PRKN: variants seen among roughly 807,000 people sequenced by gnomAD.
PRKN encodes the protein parkin RBR E3 ubiquitin protein ligase, also known as E3 ubiquitin-protein ligase parkin.
A neutral mutation model predicts 59.5 loss-of-function variants in PRKN; 56 were observed. The ratio of observed to expected loss-of-function variants is 0.94; its 90% CI spans 0.76 to 1.18. The LOEUF (loss-of-function observed/expected upper bound fraction) is 1.18. Among genes scored for constraint, PRKN ranks in the 50% most tolerant of loss-of-function variants. The probability of loss-of-function intolerance (pLI) is 0.00; values close to 1 mark genes in which losing one functional copy is unlikely to be tolerated. For missense variants in PRKN, 657 were observed against 596.4 expected (o/e 1.10, Z -1.06); for synonymous variants, 250 against 222.1 (o/e 1.13, Z -1.12).
At chr6:162,275,592 C>A (rs1053825554) in intron 2 of PRKN, among the ~76,000 whole-genome samples, 1 of 152,092 alleles carries the variant, frequency 6.6e-6, no homozygotes, top group Non-Finnish European at 1.5e-5. Context: ...TGAGACCCAC[C>A]TGGCCAACAT....
chr6:162,191,688 C>T (rs775378501), intron 4 of PRKN, among the ~76,000 whole-genome samples: 1 of 152,176 alleles, frequency 6.6e-6, no homozygotes, highest in Non-Finnish European at 1.5e-5. Context: ...AGTGATCCAC[C>T]GACCTCGGCC....
chr6:162,120,572 T>C (rs890788222), intron 4 of PRKN, among the ~76,000 whole-genome samples: 5 of 152,198 alleles, frequency 3.3e-5, no homozygotes, highest in South Asian at 2.1e-4. Context: ...AGGTGATAAA[T>C]GGATGAGGCC....
At chr6:162,327,312 T>C (rs1261408989) in intron 2 of PRKN, among the ~76,000 whole-genome samples, 2 of 152,204 alleles carry the variant, frequency 1.3e-5, no homozygotes, top group African/African-American at 4.8e-5. Flanking sequence ...GCATAAGTTC[T>C]TTTTTGCTTA....
chr6:161,504,343 G>A (rs1778070355), intron 9 of PRKN, among the ~76,000 whole-genome samples: 1 of 152,152 alleles, frequency 6.6e-6, no homozygotes, highest in Non-Finnish European at 1.5e-5. Context: ...GCCAGGCATA[G>A]CCTTTTCCCA....
intron 1 of PRKN, among the ~76,000 whole-genome samples, chr6:162,573,148 T>C (rs1050001626): frequency 6.6e-6 from 1 of 152,198 alleles, no homozygotes; most frequent in African/African-American, 2.4e-5. Flanking sequence ...TATATTTGGG[T>C]AGATTCCAAA....
chr6:162,005,566 T>C (rs1026694635), intron 5 of PRKN, among the ~76,000 whole-genome samples: 1 of 151,238 alleles, frequency 6.6e-6, no homozygotes, highest in Non-Finnish European at 1.5e-5. Flanking sequence ...AAAAAAGGAA[T>C]GAAACTCTTG....
At chr6:162,357,353 T>G (rs376898699) in intron 2 of PRKN, among the ~76,000 whole-genome samples, 4 of 152,174 alleles carry the variant, frequency 2.6e-5, no homozygotes, top group African/African-American at 7.2e-5. Flanking sequence ...AATAAAGAAA[T>G]AAATAAATAC....
intron 4 of PRKN, among the ~76,000 whole-genome samples, chr6:162,165,427 T>C (rs1023241596): frequency 3.3e-5 from 5 of 149,394 alleles, no homozygotes; most frequent in Non-Finnish European, 7.4e-5. Context: ...AGTACTGATA[T>C]GTAATAAATA....
chr6:162,418,010 C>T (rs1205182067), intron 2 of PRKN, among the ~76,000 whole-genome samples: 2 of 152,146 alleles, frequency 1.3e-5, no homozygotes, highest in Non-Finnish European at 1.5e-5. Context: ...TCTAGGTATA[C>T]GCCCAAGAGC....
chr6:161,908,923 A>G (rs1778251585), intron 6 of PRKN, among the ~76,000 whole-genome samples: 1 of 152,238 alleles, frequency 6.6e-6, no homozygotes, highest in Non-Finnish European at 1.5e-5. Context: ...AGCTACAGCC[A>G]CTGTGTCCTG....
chr6:162,034,159 G>GTA (rs1476818206), intron 5 of PRKN, among the ~76,000 whole-genome samples: 1 of 142,304 alleles, frequency 7.0e-6, no homozygotes, highest in African/African-American at 2.6e-5. Context: ...GTGTGTGTGT[G>GTA]TACACATACA....
chr6:162,353,981 T>C (rs1268723696), intron 2 of PRKN, among the ~76,000 whole-genome samples: 3 of 152,180 alleles, frequency 2.0e-5, no homozygotes, highest in Non-Finnish European at 2.9e-5. Flanking sequence ...ATTGCAGTTA[T>C]ATTATTATTT....
chr6:161,912,757 G>A (rs994993292), intron 6 of PRKN, among the ~76,000 whole-genome samples: 3 of 152,094 alleles, frequency 2.0e-5, no homozygotes, highest in African/African-American at 7.2e-5. Flanking sequence ...CTAAGCAGAT[G>A]AGGTCTCTGA....
chr6:162,431,227 T>G (rs1252471411), intron 2 of PRKN, among the ~76,000 whole-genome samples: 1 of 119,372 alleles, frequency 8.4e-6, no homozygotes, highest in Non-Finnish European at 1.7e-5. Flanking sequence ...GGAGAATGGA[T>G]AGTAGTTGAG....
At chr6:162,537,163 T>G (rs1271444295) in intron 1 of PRKN, among the ~76,000 whole-genome samples, 1 of 152,152 alleles carries the variant, frequency 6.6e-6, no homozygotes, top group Non-Finnish European at 1.5e-5. Flanking sequence ...CACATCACAG[T>G]CACCTGGGGA....
At chr6:161,719,584 T>C (rs977912185) in intron 7 of PRKN, among the ~76,000 whole-genome samples, 2 of 152,166 alleles carry the variant, frequency 1.3e-5, no homozygotes, top group South Asian at 4.1e-4. Flanking sequence ...AAATCAGGAA[T>C]AAAATGAATT....
chr6:161,706,700 G>A (rs1005117318), intron 7 of PRKN, among the ~76,000 whole-genome samples: 17 of 152,142 alleles, frequency 1.1e-4, no homozygotes, highest in Non-Finnish European at 2.4e-4. Context: ...TGGGATTACA[G>A]GCGTGTACCA....
intron 2 of PRKN, among the ~76,000 whole-genome samples, chr6:162,332,583 T>G (rs745466790): frequency 6.6e-6 from 1 of 152,192 alleles, no homozygotes; most frequent in Non-Finnish European, 1.5e-5. Flanking sequence ...GGCACCCTAA[T>G]TCTACTTTAT....
intron 1 of PRKN, among the ~76,000 whole-genome samples, chr6:162,684,832 T>C (rs529338990): frequency 6.6e-6 from 1 of 152,294 alleles, no homozygotes; most frequent in African/African-American, 2.4e-5. Context: ...TTTAATAATA[T>C]GACCAAACAG....
Sources: allele counts gnomAD v4.1 joint callset (sites outside exome capture counted in the v4.1 genomes callset), GRCh38; gene constraint gnomAD v4.1.1; transcripts MANE v1.5; gene names NCBI Gene and HGNC (gene_info 2026-07-23, HGNC 2026-07-21).